MCTP1: variants seen among roughly 807,000 people sequenced by gnomAD.
MCTP1 encodes the protein multiple C2 and transmembrane domain containing 1.
In MCTP1, 69 loss-of-function variants were observed where a neutral mutation model predicts 120.6. That is an observed-to-expected ratio of 0.57 (90% CI 0.47 to 0.70). The LOEUF is 0.70. Among genes scored for constraint, MCTP1 ranks in the 30% least tolerant of loss-of-function variants. MCTP1 has a pLI of 0.00. For synonymous variants in MCTP1, 529 were observed against 493.1 expected (o/e 1.07, Z -0.96); for missense variants, 1,203 against 1,248.8 (o/e 0.96, Z 0.55).
intron 2 of MCTP1, among the ~76,000 whole-genome samples, chr5:94,964,137 G>A (rs1825031200): frequency 6.6e-6 from 1 of 152,010 alleles, no homozygotes; most frequent in African/African-American, 2.4e-5. Context: ...TGCTTTGTTG[G>A]CCTATGTGTC....
At chr5:94,873,277 A>T (rs760625155) in intron 12 of MCTP1, 36 bp from the exon 13 acceptor site, 6 of 1,216,964 alleles carry the variant, frequency 4.9e-6, no homozygotes, top group Non-Finnish European at 7.3e-6. Context: ...TTTAGTGTAC[A>T]TAGCACCCAC....
chr5:94,748,319 C>CACA lies in MCTP1; in HGVS notation c.2610+30788_2610+30790dup, dbSNP rs1767407683. ...TTAGGACTCAGAGCTTGCTAAAGAG[C>CACA]ACAGGGTGACGACTGTGGAACTACT... is the stretch of plus-strand genomic sequence containing the variant. On this transcript the variant is annotated intron_variant, in intron 19 of 22. Transcript: ENST00000515393. Among the ~76,000 whole-genome samples the CACA allele has an allele frequency of 5.9e-5, 9 of 152,190 alleles. No homozygotes were observed. In the South Asian group the frequency reaches 1.9e-3, roughly 32 times the overall value.
intron 18 of MCTP1, among the ~76,000 whole-genome samples, chr5:94,782,793 C>A (rs943022595): frequency 7.2e-5 from 11 of 152,030 alleles, no homozygotes; most frequent in African/African-American, 2.7e-4. Context: ...ATTTAATGAA[C>A]AACATACACT....
chr5:94,860,335 A>C (rs1795522378), intron 17 of MCTP1, among the ~76,000 whole-genome samples: 1 of 151,696 alleles, frequency 6.6e-6, no homozygotes, highest in African/African-American at 2.4e-5. Context: ...AACCCATCAA[A>C]CCCTCATAAT....
intron 1 of MCTP1, among the ~76,000 whole-genome samples, chr5:95,085,949 A>G (rs983478611): frequency 4.6e-5 from 7 of 151,910 alleles, no homozygotes; most frequent in Admixed American, 2.6e-4. Flanking sequence ...GTCTTTATAT[A>G]TTATTGTTCT....
intron 17 of MCTP1, among the ~76,000 whole-genome samples, chr5:94,838,743 A>G (rs1580963301): frequency 6.6e-6 from 1 of 152,198 alleles, no homozygotes; most frequent in African/African-American, 2.4e-5. Flanking sequence ...AATGTATTAA[A>G]TGCATGGTTG....
intron 19 of MCTP1, among the ~76,000 whole-genome samples, chr5:94,733,918 C>A (rs1322054466): frequency 6.7e-6 from 1 of 149,950 alleles, no homozygotes; most frequent in African/African-American, 2.5e-5. Flanking sequence ...GAGCCCAGAT[C>A]GTGCCACTGT....
At chr5:94,986,837 A>ATT (rs1830508718) in intron 2 of MCTP1, among the ~76,000 whole-genome samples, 1 of 151,928 alleles carries the variant, frequency 6.6e-6, no homozygotes, top group South Asian at 2.1e-4. Flanking sequence ...TGTTATTTTT[A>ATT]TTAAAATGGT....
At position 94,913,905 on chromosome 5, in the gene MCTP1, T is replaced by C. The variant is rs142427767; in HGVS notation, c.1351-929A>G. Among the ~76,000 whole-genome samples the C allele has an allele frequency of 1.6e-4, 25 of 152,152 alleles. 1 individual carries two copies. The highest frequency in any genetic ancestry group is 1.6e-3 in the Admixed American group (24 of 15,262). ...TGTTTTGTTTTTAGAGAAAGGGTCT[T>C]GCTTGGTTGACCAGGCTGGAGTGCA... On this transcript the variant is annotated intron_variant, in intron 8 of 22. Transcript: ENST00000515393.
At chr5:94,962,802 A>G (rs999407600) in intron 2 of MCTP1, among the ~76,000 whole-genome samples, 1 of 152,132 alleles carries the variant, frequency 6.6e-6, no homozygotes, top group African/African-American at 2.4e-5. Context: ...TCAAAATCTC[A>G]CAAATCATCA....
intron 1 of MCTP1, among the ~76,000 whole-genome samples, chr5:95,094,276 G>A (rs570350455): frequency 6.6e-6 from 1 of 152,176 alleles, no homozygotes; most frequent in Admixed American, 6.5e-5. Context: ...AACTGATCAG[G>A]TCATGTCCAA....
At chr5:94,919,013 G>A (rs890041037) in intron 7 of MCTP1, among the ~76,000 whole-genome samples, 4 of 152,036 alleles carry the variant, frequency 2.6e-5, no homozygotes, top group African/African-American at 4.8e-5. Flanking sequence ...TTTTGACAGA[G>A]ACTAAGAAAT....
intron 19 of MCTP1, among the ~76,000 whole-genome samples, chr5:94,764,502 T>C (rs1772095781): frequency 6.6e-6 from 1 of 152,188 alleles, no homozygotes; most frequent in South Asian, 2.1e-4. Flanking sequence ...ATTTCACCTA[T>C]AAAGACATAT....
At chr5:94,861,085 A>G (rs959548723) in intron 17 of MCTP1, among the ~76,000 whole-genome samples, 5 of 151,746 alleles carry the variant, frequency 3.3e-5, no homozygotes, top group African/African-American at 1.2e-4. Flanking sequence ...TTGAGCCAAT[A>G]GCTGATGACT....
intron 1 of MCTP1, among the ~76,000 whole-genome samples, chr5:95,127,779 C>T (rs1758742764): frequency 6.6e-6 from 1 of 152,060 alleles, no homozygotes. Context: ...CTCCAAAAAC[C>T]TCAAATTGAA....
chr5:94,759,951 G>A (rs1770924739), intron 19 of MCTP1, among the ~76,000 whole-genome samples: 2 of 130,734 alleles, frequency 1.5e-5, no homozygotes, highest in Admixed American at 7.7e-5. Flanking sequence ...GGAATACTTA[G>A]CAACCATTTT....
chr5:94,995,102 C>T (rs989498889), intron 2 of MCTP1, among the ~76,000 whole-genome samples: 8 of 152,200 alleles, frequency 5.3e-5, no homozygotes, highest in Non-Finnish European at 7.3e-5. Flanking sequence ...AATTCTCCTA[C>T]GAAACTCCCC....
intron 2 of MCTP1, among the ~76,000 whole-genome samples, chr5:94,987,818 T>G: frequency 6.6e-6 from 1 of 152,218 alleles, no homozygotes; most frequent in East Asian, 1.9e-4. Context: ...TGATGAAAAC[T>G]TGATAAGTGA....
intron 1 of MCTP1, among the ~76,000 whole-genome samples, chr5:95,112,161 T>C (rs935542341): frequency 7.2e-5 from 11 of 152,300 alleles, no homozygotes; most frequent in East Asian, 1.9e-4. Flanking sequence ...ACCACTTCTG[T>C]ACCTTGTATA....
Sources: gnomAD v4.1 joint callset for allele counts (sites outside exome capture counted in the v4.1 genomes callset) on GRCh38, gnomAD v4.1.1 for gene constraint, MANE v1.5 for transcripts, NCBI Gene and HGNC (gene_info 2026-07-23, HGNC 2026-07-21) for gene names.